MALRD1: variants seen among roughly 807,000 people sequenced by gnomAD.
MALRD1 encodes the protein MAM and LDL receptor class A domain containing 1.
A neutral mutation model predicts 242.1 loss-of-function variants in MALRD1; 247 were observed. The observed-to-expected ratio is 1.02, with a 90% CI of 0.92 to 1.13. The LOEUF (loss-of-function observed/expected upper bound fraction) is 1.13. MALRD1 is among the 50% of genes most tolerant of loss of function. The probability of loss-of-function intolerance (pLI) is 0.00; values close to 1 mark genes in which losing one functional copy is unlikely to be tolerated. For synonymous variants in MALRD1, 995 were observed against 866.6 expected (o/e 1.15, Z -2.60); for missense variants, 2,989 against 2,533.1 (o/e 1.18, Z -3.86).
At chr10:19,083,498 A>G (rs527699215) in intron 2 of MALRD1, among the ~76,000 whole-genome samples, 32 of 152,092 alleles carry the variant, frequency 2.1e-4, no homozygotes, top group Non-Finnish European at 3.1e-4. Context: ...TCAGGTGACT[A>G]TGAAGTTATA....
intron 29 of MALRD1, among the ~76,000 whole-genome samples, chr10:19,480,846 G>T (rs1445293896): frequency 3.3e-5 from 5 of 151,964 alleles, no homozygotes; most frequent in Non-Finnish European, 7.4e-5. Flanking sequence ...TTGGCGGTTG[G>T]GGGGGATTGG....
intron 2 of MALRD1, among the ~76,000 whole-genome samples, chr10:19,076,907 A>G (rs969400389): frequency 6.6e-6 from 1 of 151,952 alleles, no homozygotes; most frequent in African/African-American, 2.4e-5. Context: ...GAACAATATT[A>G]AGTTTTCCAG....
chr10:19,073,955 A>G (rs912820521), intron 2 of MALRD1, among the ~76,000 whole-genome samples: 5 of 152,124 alleles, frequency 3.3e-5, no homozygotes, highest in Admixed American at 6.6e-5. Context: ...CAGTATTTCA[A>G]TGGATGGAGA....
intron 33 of MALRD1, among the ~76,000 whole-genome samples, chr10:19,588,082 G>C (rs1043162166): frequency 1.3e-5 from 2 of 151,860 alleles, no homozygotes; most frequent in Non-Finnish European, 2.9e-5. Context: ...AAGACCTGTA[G>C]GATGCATATG....
At chr10:19,180,673 A>G (rs914671734) in intron 14 of MALRD1, among the ~76,000 whole-genome samples, 1 of 152,240 alleles carries the variant, frequency 6.6e-6, no homozygotes, top group African/African-American at 2.4e-5. Flanking sequence ...ATGATTTTTT[A>G]ATATCACACC....
At chr10:19,273,725 G>A (rs1013494533) in intron 19 of MALRD1, among the ~76,000 whole-genome samples, 1 of 152,190 alleles carries the variant, frequency 6.6e-6, no homozygotes, top group African/African-American at 2.4e-5. Flanking sequence ...TTGTTTAGGG[G>A]AGAGGGTAGG....
chr10:19,190,396 G>A (rs551346049), intron 14 of MALRD1, among the ~76,000 whole-genome samples: 13 of 152,118 alleles, frequency 8.5e-5, no homozygotes, highest in African/African-American at 2.4e-4. Context: ...CTACAGATTC[G>A]ATATAATCCC....
At chr10:19,249,789 T>G (rs776636556) in intron 18 of MALRD1, among the ~76,000 whole-genome samples, 1 of 151,976 alleles carries the variant, frequency 6.6e-6, no homozygotes, top group East Asian at 1.9e-4. Flanking sequence ...TCACAATAAC[T>G]AATGGGTGGG....
chr10:19,659,169 C>A (rs1170563969), intron 36 of MALRD1, among the ~76,000 whole-genome samples: 1 of 152,202 alleles, frequency 6.6e-6, no homozygotes. Flanking sequence ...GTTGCTTTAG[C>A]CTTTATACTT....
intron 13 of MALRD1, among the ~76,000 whole-genome samples, chr10:19,169,518 A>G (rs1357260120): frequency 6.6e-6 from 1 of 152,170 alleles, no homozygotes; most frequent in African/African-American, 2.4e-5. Context: ...ATAATGTTAA[A>G]GTTTGTTTGC....
chr10:19,123,488 A>G lies in MALRD1; in HGVS notation c.695-4A>G, dbSNP rs1170761503. 2.4e-6 allele frequency: 3 copies of G among 1,231,336 alleles called. No homozygotes were observed. Among genetic ancestry groups the G allele is most frequent in the Admixed American group, 4.2e-5 (1 of 23,694 alleles). The allele number at this position is 1,231,336 out of a possible 1,614,324, so 76.3% of individuals were successfully genotyped here. ...CACTTCTTGCCAATCTTTAAATTTAACAGATGGAATTTTACTGTGTCAAGA... is the reference window on the plus strand; with the variant it reads ...CACTTCTTGCCAATCTTTAAATTTAGCAGATGGAATTTTACTGTGTCAAGA... On this transcript the variant is annotated splice_polypyrimidine_tract_variant and splice_region_variant and intron_variant, in intron 5 of 39. Transcript: ENST00000454679.
At chr10:19,638,748 A>G (rs868574266) in intron 36 of MALRD1, among the ~76,000 whole-genome samples, 49 of 152,312 alleles carry the variant, frequency 3.2e-4, no homozygotes, top group Middle Eastern at 6.8e-3. Context: ...GATTCCAGTG[A>G]GGTCACCACC....
intron 34 of MALRD1, among the ~76,000 whole-genome samples, chr10:19,605,498 T>C (rs1475726903): frequency 6.7e-6 from 1 of 150,270 alleles, no homozygotes; most frequent in Non-Finnish European, 1.5e-5. Context: ...TTTTTTTTTT[T>C]TTTTTGGTTT....
intron 19 of MALRD1, among the ~76,000 whole-genome samples, chr10:19,261,374 T>C (rs1839738949): frequency 6.6e-6 from 1 of 151,274 alleles, no homozygotes; most frequent in South Asian, 2.1e-4. Context: ...GTTGAATCCA[T>C]AGGTTTTATA....
intron 28 of MALRD1, among the ~76,000 whole-genome samples, chr10:19,444,851 G>C (rs889620577): frequency 2.0e-5 from 3 of 152,080 alleles, no homozygotes; most frequent in African/African-American, 7.2e-5. Context: ...TTTGAATGTT[G>C]GCCTGCCTTG....
chr10:19,478,014 G>C (rs963509535), intron 29 of MALRD1, among the ~76,000 whole-genome samples: 4 of 152,112 alleles, frequency 2.6e-5, no homozygotes, highest in African/African-American at 7.2e-5. Context: ...TTCCCTTTCT[G>C]TGTCTGCAGC....
At chr10:19,562,325 A>ATAGATAGATAGATAGATAGATAGATAGT (rs1836010777) in intron 32 of MALRD1, among the ~76,000 whole-genome samples, 2 of 141,928 alleles carry the variant, frequency 1.4e-5, no homozygotes, top group Non-Finnish European at 2.9e-5. Flanking sequence ...AGATAGATAG[A>ATAGATAGATAGATAGATAGATAGATAGT]TAGATAGATA....
chr10:19,705,803 G>GAAAAAAAAAAAAAAAA (rs779404664), intron 38 of MALRD1, among the ~76,000 whole-genome samples: 6 of 25,796 alleles, frequency 2.3e-4, no homozygotes, highest in African/African-American at 1.8e-3. Context: ...TCCTGCAATA[G>GAAAAAAAAAAAAAAAA]TAAAAAAAAA....
chr10:19,081,005 A>G (rs1050028555), intron 2 of MALRD1, among the ~76,000 whole-genome samples: 2 of 152,144 alleles, frequency 1.3e-5, no homozygotes, highest in Non-Finnish European at 2.9e-5. Context: ...CCACAAACAT[A>G]TGAAAAAAAC....
Sources: allele counts gnomAD v4.1 joint callset (sites outside exome capture counted in the v4.1 genomes callset), GRCh38; gene constraint gnomAD v4.1.1; transcripts MANE v1.5; gene names NCBI Gene and HGNC (gene_info 2026-07-23, HGNC 2026-07-21).